NYAP2: variants seen among roughly 807,000 people sequenced by gnomAD.
NYAP2 encodes neuronal tyrosine-phosphorylated phosphoinositide-3-kinase adapter 2.
In NYAP2, 23 loss-of-function variants were observed where a neutral mutation model predicts 50.4. The ratio of observed to expected loss-of-function variants is 0.46; its 90% CI spans 0.33 to 0.65. The LOEUF (loss-of-function observed/expected upper bound fraction) is 0.65, where lower values mean the gene tolerates loss of function less well. Among genes scored for constraint, NYAP2 ranks in the 30% least tolerant of loss-of-function variants. The pLI, the probability that NYAP2 is intolerant of heterozygous loss-of-function variation, is 0.02. For missense variants in NYAP2, 885 were observed against 861.0 expected (o/e 1.03, Z -0.35); for synonymous variants, 394 against 365.2 (o/e 1.08, Z -0.90).
intron 4 of NYAP2, among the ~76,000 whole-genome samples, chr2:225,533,334 T>A (rs1270471921): frequency 6.6e-6 from 1 of 152,180 alleles, no homozygotes; most frequent in Admixed American, 6.5e-5. Flanking sequence ...GGAGTCCTGT[T>A]GTTTATTTTA....
chr2:225,428,435 A>T (rs1449966404), intron 3 of NYAP2, among the ~76,000 whole-genome samples: 1 of 152,190 alleles, frequency 6.6e-6, no homozygotes, highest in Non-Finnish European at 1.5e-5. Flanking sequence ...AAATATTTTC[A>T]GATAGTAATA....
At chr2:225,689,160 T>A in the NYAP2 span, among the ~76,000 whole-genome samples, 1 of 152,198 alleles carries the variant, frequency 6.6e-6, no homozygotes. Context: ...CCAGCCTTCA[T>A]CCCTGAAAGT....
chr2:225,502,254 T>C (rs1399747181), intron 3 of NYAP2, among the ~76,000 whole-genome samples: 1 of 151,914 alleles, frequency 6.6e-6, no homozygotes, highest in Non-Finnish European at 1.5e-5. Context: ...GCGGTAGAGA[T>C]GGAGAGAAGG....
Position 225,640,277 on chromosome 2 carries a change from T to C in NYAP2, c.1829-11155T>C, listed in dbSNP as rs147573514. 4.4e-3 allele frequency among the ~76,000 whole-genome samples: 667 copies of C among 152,344 alleles called. 13 individuals carry two copies. Among genetic ancestry groups the C allele is most frequent in the Admixed American group, 0.04 (614 of 15,302 alleles). On this transcript the variant is annotated intron_variant, in intron 6 of 6. Coordinates refer to ENST00000636099, the Ensembl canonical transcript of NYAP2. ...TACCTAATTGAGAGGTGTTTTTCAC[T>C]GATTGTTGGTATCTATAAAAATTAA...
rs373386089 is a variant in NYAP2 at position 225,611,832 on chromosome 2, A to G, written c.1619-15085A>G. Among the ~76,000 whole-genome samples, 8 of 151,430 alleles carry G rather than the reference A, an allele frequency of 5.3e-5. No individual in the cohort carries two copies. The East Asian group carries it at 1.4e-3, about 26-fold the overall frequency. On this transcript the variant is annotated intron_variant, in intron 5 of 6. Transcript: ENST00000636099. ...ACAGTAAAGGCATATACATTTTACC[A>G]TTGGTTGAACATAATAAGTATATAT...
chr2:225,476,544 G>A (rs1396036697), intron 3 of NYAP2, among the ~76,000 whole-genome samples: 1 of 152,084 alleles, frequency 6.6e-6, no homozygotes, highest in Non-Finnish European at 1.5e-5. Context: ...CAGAAAAATG[G>A]ATGCAAATAT....
chr2:225,485,527 A>G (rs1417737784), intron 3 of NYAP2, among the ~76,000 whole-genome samples: 2 of 152,056 alleles, frequency 1.3e-5, no homozygotes, highest in Admixed American at 6.6e-5. Flanking sequence ...CTCCCTTTAG[A>G]CTCTGGCTTT....
intron 4 of NYAP2, among the ~76,000 whole-genome samples, chr2:225,524,491 A>ACACACC (rs1691118709): frequency 6.6e-6 from 1 of 152,192 alleles, no homozygotes; most frequent in South Asian, 2.1e-4. Flanking sequence ...ACCCTCACAG[A>ACACACC]CACACCCAGG....
At chr2:225,644,803 C>T (rs1331381446) in intron 6 of NYAP2, among the ~76,000 whole-genome samples, 1 of 150,780 alleles carries the variant, frequency 6.6e-6, no homozygotes, top group Non-Finnish European at 1.5e-5. Context: ...TGATCTATAT[C>T]TCTGTTTTGG....
chr2:225,623,391 G>A (rs1324552246), intron 5 of NYAP2, among the ~76,000 whole-genome samples: 2 of 152,068 alleles, frequency 1.3e-5, no homozygotes, highest in Admixed American at 6.6e-5. Context: ...GCTGAGTCTT[G>A]GCCAATCATA....
intron 2 of NYAP2, among the ~76,000 whole-genome samples, chr2:225,406,890 G>C (rs1694948371): frequency 6.6e-6 from 1 of 151,940 alleles, no homozygotes; most frequent in Non-Finnish European, 1.5e-5. Context: ...AACTGCGTAG[G>C]AATCTCTGGT....
intron 3 of NYAP2, among the ~76,000 whole-genome samples, chr2:225,499,322 T>C (rs1220456496): frequency 1.3e-5 from 2 of 150,470 alleles, no homozygotes; most frequent in South Asian, 2.1e-4. Flanking sequence ...AAGGTTACTT[T>C]TTTTTTTTTT....
chr2:225,668,505 C>G, the NYAP2 span, among the ~76,000 whole-genome samples: 1 of 152,078 alleles, frequency 6.6e-6, no homozygotes, highest in African/African-American at 2.4e-5. Context: ...TGTATTTTCT[C>G]TTAGAAAAAG....
intron 3 of NYAP2, among the ~76,000 whole-genome samples, chr2:225,470,345 C>T (rs1689994464): frequency 6.6e-6 from 1 of 152,114 alleles, no homozygotes; most frequent in Admixed American, 6.6e-5. Flanking sequence ...CCCATTTCCC[C>T]AGTTAGTAGA....
intron 4 of NYAP2, among the ~76,000 whole-genome samples, chr2:225,578,186 G>A (rs1165898439): frequency 2.6e-5 from 4 of 152,140 alleles, no homozygotes; most frequent in Non-Finnish European, 5.9e-5. Flanking sequence ...ACCTGCCTCC[G>A]CCTCCCAAGG....
At chr2:225,576,493 T>A (rs1692172129) in intron 4 of NYAP2, among the ~76,000 whole-genome samples, 1 of 152,154 alleles carries the variant, frequency 6.6e-6, no homozygotes, top group Admixed American at 6.6e-5. Context: ...CATGGAGTTG[T>A]GAGTTGTGAA....
intron 5 of NYAP2, among the ~76,000 whole-genome samples, chr2:225,607,860 T>G (rs1380148374): frequency 6.6e-6 from 1 of 152,138 alleles, no homozygotes; most frequent in African/African-American, 2.4e-5. Context: ...TAGGGAGACA[T>G]TTGCATGTTT....
intron 3 of NYAP2, among the ~76,000 whole-genome samples, chr2:225,474,006 C>A (rs1409886139): frequency 6.6e-6 from 1 of 152,158 alleles, no homozygotes; most frequent in Non-Finnish European, 1.5e-5. Flanking sequence ...AGGAAGGGAT[C>A]CAGTTTCAGC....
Position 225,550,015 on chromosome 2 carries a change from T to TAG in NYAP2, c.524-31916_524-31915dup, listed in dbSNP as rs1010571771. On this transcript the variant is annotated intron_variant, in intron 4 of 6. Transcript: ENST00000636099. ...AATAAATAAATAAATAAATAAAAAA[T>TAG]AGAGAGAGAGAAAAAAAAAGAAAAC... 4.8e-5 allele frequency among the ~76,000 whole-genome samples: 7 copies of TAG among 146,296 alleles called. No homozygotes were observed. In the East Asian group the frequency reaches 1.2e-3, roughly 25 times the overall value.
Sources: allele counts gnomAD v4.1 joint callset (sites outside exome capture counted in the v4.1 genomes callset), GRCh38; gene constraint gnomAD v4.1.1; transcripts MANE v1.5; gene names NCBI Gene and HGNC (gene_info 2026-07-23, HGNC 2026-07-21).